SQOR: variants seen among roughly 807,000 people sequenced by gnomAD.
The protein encoded by SQOR is sulfide quinone oxidoreductase, also known as sulfide:quinone oxidoreductase, mitochondrial.
A neutral mutation model predicts 48.6 loss-of-function variants in SQOR; 39 were observed. The observed-to-expected ratio is 0.80, with a 90% CI of 0.62 to 1.05. SQOR has a LOEUF of 1.05. SQOR is among the 50% of genes least tolerant of loss of function. The pLI, the probability that SQOR is intolerant of heterozygous loss-of-function variation, is 0.00. For missense variants in SQOR, 561 were observed against 559.9 expected (o/e 1.00, Z -0.02); for synonymous variants, 220 against 206.2 (o/e 1.07, Z -0.57).
chr15:45,681,341 C>G (rs1323295397), intron 6 of SQOR, among the ~76,000 whole-genome samples: 1 of 152,188 alleles, frequency 6.6e-6, no homozygotes, highest in Non-Finnish European at 1.5e-5. Context: ...CCTCAGGGAC[C>G]CATGTGCCCA....
At position 45,646,441 on chromosome 15, in the gene SQOR, T is replaced by A. The variant is rs77256383; in HGVS notation, c.-18+11333T>A. Among the ~76,000 whole-genome samples the A allele has an allele frequency of 6.6e-5, 10 of 152,330 alleles. No individual in the cohort carries two copies. In the East Asian group the frequency reaches 1.9e-3, roughly 29 times the overall value. ...GACTTCACCTCTTGGAACTCAGTTT[T>A]CCCATTTGTAAAGTGATATCAATAC... is the stretch of plus-strand genomic sequence containing the variant. On this transcript the variant is annotated intron_variant, in intron 1 of 9. Transcript: ENST00000260324.
At chr15:45,670,093 T>C in intron 4 of SQOR, 112 bp downstream of exon 4, 1 of 993,682 alleles carries the variant, frequency 1.0e-6, no homozygotes, top group Non-Finnish European at 1.6e-6. Flanking sequence ...TCTAAGAAAA[T>C]CTCTTCTGGT....
At chr15:45,664,673 A>T (rs1248940416) in intron 3 of SQOR, among the ~76,000 whole-genome samples, 1 of 152,128 alleles carries the variant, frequency 6.6e-6, no homozygotes, top group Non-Finnish European at 1.5e-5. Flanking sequence ...CACGGTGCTG[A>T]TTCATGCTGG....
At chr15:45,664,609 C>G (rs1352583456) in intron 3 of SQOR, among the ~76,000 whole-genome samples, 1 of 152,130 alleles carries the variant, frequency 6.6e-6, no homozygotes, top group Admixed American at 6.5e-5. Flanking sequence ...GAGCCATTCT[C>G]TCCCATGATC....
chr15:45,644,563 G>A (rs1895168398), intron 1 of SQOR, among the ~76,000 whole-genome samples: 1 of 152,170 alleles, frequency 6.6e-6, no homozygotes, highest in Non-Finnish European at 1.5e-5. Flanking sequence ...AACAGATCAG[G>A]AGGTGACTGC....
At chr15:45,631,180 C>T (rs186878296), upstream of SQOR, 61 of 184,150 alleles carry the variant, frequency 3.3e-4, no homozygotes, top group East Asian at 3.1e-3. Context: ...ATGTAAGAAG[C>T]GCCTTTCGCC....
chr15:45,682,747 G>C, intron 7 of SQOR, 86 bp downstream of exon 7: 1 of 1,482,998 alleles, frequency 6.7e-7, no homozygotes, highest in Non-Finnish European at 9.2e-7. Context: ...CTTGGCATCG[G>C]CCAGAGACGG....
chr15:45,637,081 G>A (rs996217569), intron 1 of SQOR, among the ~76,000 whole-genome samples: 1 of 151,480 alleles, frequency 6.6e-6, no homozygotes, highest in East Asian at 2.0e-4. Context: ...TCGCAGGTTC[G>A]AGTGATTCGC....
At chr15:45,689,351 G>A in intron 9 of SQOR, 134 bp downstream of exon 9, 1 of 722,192 alleles carries the variant, frequency 1.4e-6, no homozygotes, top group Non-Finnish European at 2.2e-6. Flanking sequence ...GCCCTCTTTT[G>A]CTGCTGGATA....
At chr15:45,668,091 C>A (rs1244107731) in intron 3 of SQOR, among the ~76,000 whole-genome samples, 1 of 151,696 alleles carries the variant, frequency 6.6e-6, no homozygotes, top group African/African-American at 2.4e-5. Context: ...ACTACAGGCG[C>A]CCGCCACCAT....
At chr15:45,655,368 T>A (rs1889581866) in intron 1 of SQOR, among the ~76,000 whole-genome samples, 1 of 152,210 alleles carries the variant, frequency 6.6e-6, no homozygotes, top group Admixed American at 6.5e-5. Flanking sequence ...AGTTTTGCTG[T>A]GATTCTATCA....
Position 45,662,120 on chromosome 15 carries a change from G to A in SQOR, c.400G>A (p.Glu134Lys), listed in dbSNP as rs1027721935. 8 of 1,613,664 alleles carry A rather than the reference G, an allele frequency of 5.0e-6. No homozygotes were observed. The highest frequency in any genetic ancestry group is 1.1e-5 in the South Asian group (1 of 91,008). ...DKNCIHTDDDEKISYRYLIIA... is the reference protein window; with the variant it reads ...DKNCIHTDDDKKISYRYLIIA... ...GAACTGCATTCACACAGATGACGAC[G>A]AGAAGGTAACCACTGAGGCCTTTAG... The change falls in exon 3 of 10, where the codon GAG becomes AAG. Residue 134 changes from glutamate to lysine, a missense_variant. Transcript: ENST00000260324.
At chr15:45,643,298 C>T (rs1320616613) in intron 1 of SQOR, among the ~76,000 whole-genome samples, 3 of 152,156 alleles carry the variant, frequency 2.0e-5, no homozygotes, top group Admixed American at 6.5e-5. Context: ...CAGGTTCAAG[C>T]AATTCTTCTG....
chr15:45,646,800 A>G (rs999359482), intron 1 of SQOR, among the ~76,000 whole-genome samples: 1 of 152,066 alleles, frequency 6.6e-6, no homozygotes, highest in African/African-American at 2.4e-5. Context: ...ATTTTGTTTC[A>G]TCTACACCCC....
chr15:45,642,587 C>T (rs1185232241), intron 1 of SQOR, among the ~76,000 whole-genome samples: 1 of 152,058 alleles, frequency 6.6e-6, no homozygotes, highest in Non-Finnish European at 1.5e-5. Flanking sequence ...CATGCCTATC[C>T]AATCTCATTT....
In SQOR at chr15:45,691,182, T is replaced by G. The variant is rs960898615; in HGVS notation, c.*152T>G. The G allele has an allele frequency of 1.5e-6, 1 of 689,378 alleles. No individual in the cohort carries two copies. Among genetic ancestry groups the G allele is most frequent in the African/African-American group, 1.8e-5 (1 of 56,490 alleles). The allele number at this position is 689,378 out of a possible 1,614,324, so 42.7% of individuals were successfully genotyped here. ...CCAAATGCCTCCCTTTTCAGTACCT[T>G]TGAACAGCAACCATGTGGGCTACTC... On this transcript the variant is annotated 3_prime_UTR_variant, in exon 10 of 10. Coordinates refer to ENST00000260324, the MANE Select transcript of SQOR (RefSeq NM_021199.4).
At chr15:45,638,130 C>A (rs1895038712) in intron 1 of SQOR, among the ~76,000 whole-genome samples, 1 of 152,160 alleles carries the variant, frequency 6.6e-6, no homozygotes, top group Non-Finnish European at 1.5e-5. Context: ...AGGTAGAGAA[C>A]TTTGTGGAAA....
rs200314301 is a variant in SQOR at position 45,676,061 on chromosome 15, A to C, written c.655-40A>C. On this transcript the variant is annotated intron_variant, in intron 5 of 9. Coordinates refer to ENST00000260324, the MANE Select transcript of SQOR (RefSeq NM_021199.4). ...GATTAAAAAAAAAAAAGGCAGCTGC[A>C]GTCATGCTTTGGTGTGAATGGTTTT... 8.5e-5 allele frequency: 131 copies of C among 1,536,264 alleles called. No individual in the cohort carries two copies. The African/African-American group carries it at 1.7e-3, about 20-fold the overall frequency.
chr15:45,689,417 CTTTTTT>C, intron 9 of SQOR, 200 bp downstream of exon 9: 10 of 254,838 alleles, frequency 3.9e-5, no homozygotes, highest in South Asian at 1.2e-4. Flanking sequence ...TGCTACCTTA[CTTTTTT>C]TTTTTTTTTT....
Sources: gnomAD v4.1 joint callset for allele counts (sites outside exome capture counted in the v4.1 genomes callset) on GRCh38, gnomAD v4.1.1 for gene constraint, MANE v1.5 for transcripts, NCBI Gene and HGNC (gene_info 2026-07-23, HGNC 2026-07-21) for gene names.